Variants in RBM20 observed in about 807,000 individuals in gnomAD.
RBM20 encodes RNA binding motif protein 20, also known as RNA-binding protein 20.
Under a neutral mutation model 110.1 loss-of-function variants are expected in RBM20, and 51 were observed. The ratio of observed to expected loss-of-function variants is 0.46; its 90% CI spans 0.37 to 0.59. The LOEUF is 0.59. Among genes scored for constraint, RBM20 ranks in the 20% least tolerant of loss-of-function variants. RBM20 has a pLI of 0.00. For synonymous variants in RBM20, 589 were observed against 618.2 expected (o/e 0.95, Z 0.70); for missense variants, 1,512 against 1,574.9 (o/e 0.96, Z 0.68).
intron 7 of RBM20, among the ~76,000 whole-genome samples, chr10:110,801,366 G>T (rs1243623596): frequency 6.6e-6 from 1 of 151,770 alleles, no homozygotes; most frequent in Non-Finnish European, 1.5e-5. Context: ...GGCAGAGGTT[G>T]CAGTGAGCCA....
chr10:110,672,250 C>T (rs989514431), intron 1 of RBM20, among the ~76,000 whole-genome samples: 16 of 152,214 alleles, frequency 1.1e-4, no homozygotes, highest in Non-Finnish European at 1.9e-4. Context: ...GAGACTTCGG[C>T]CCCTGGTGGC....
At chr10:110,804,774 A>C (rs966236059) in intron 7 of RBM20, among the ~76,000 whole-genome samples, 1 of 152,248 alleles carries the variant, frequency 6.6e-6, no homozygotes, top group Non-Finnish European at 1.5e-5. Flanking sequence ...GTATGGAATC[A>C]TAATCTCTCT....
chr10:110,650,480 T>C (rs1252340472), intron 1 of RBM20, among the ~76,000 whole-genome samples: 1 of 152,190 alleles, frequency 6.6e-6, no homozygotes, highest in Non-Finnish European at 1.5e-5. Context: ...AATCTTTCCA[T>C]GTGTTCAGAA....
chr10:110,698,327 G>A (rs1260761047), intron 1 of RBM20, among the ~76,000 whole-genome samples: 1 of 152,230 alleles, frequency 6.6e-6, no homozygotes. Context: ...AGGACACACA[G>A]GAGGTGGGCT....
chr10:110,775,107 G>A (rs760172314), intron 1 of RBM20, among the ~76,000 whole-genome samples: 1 of 152,190 alleles, frequency 6.6e-6, no homozygotes, highest in Non-Finnish European at 1.5e-5. Context: ...TAAAGACATG[G>A]AAAGATCATA....
At chr10:110,715,549 A>G (rs1162956656) in intron 1 of RBM20, among the ~76,000 whole-genome samples, 1 of 152,218 alleles carries the variant, frequency 6.6e-6, no homozygotes, top group Non-Finnish European at 1.5e-5. Context: ...AAGTCCTGAT[A>G]GGTTAGGTTT....
At chr10:110,670,196 G>T (rs570634711) in intron 1 of RBM20, among the ~76,000 whole-genome samples, 2 of 152,254 alleles carry the variant, frequency 1.3e-5, no homozygotes, top group East Asian at 3.9e-4. Context: ...TTCAATGCAT[G>T]TTGTCTTGAG....
In RBM20 at chr10:110,812,686, G is replaced by T; in HGVS notation, c.2289G>T (p.Glu763Asp). The T allele has an allele frequency of 1.3e-6, 2 of 1,551,738 alleles. No individual in the cohort carries two copies. Among genetic ancestry groups the T allele is most frequent in the Non-Finnish European group, 1.7e-6 (2 of 1,147,002 alleles). Residue 763 changes from glutamate to aspartate, a missense_variant, in exon 9 of 14, where the codon GAG becomes GAT. Glu to Asp is a conservative substitution (Grantham distance 45). Around this residue, in one of 3 missense-constraint regions of RBM20, gnomAD observed 1,149 missense variants for 1,169.4 expected, o/e 0.98. Transcript: ENST00000369519. ...KSREDGYYRK[E>D]PKAKSDKYLK... ...GTGAAGACGGCTACTACCGGAAAGA[G>T]CCCAAAGCCAAGTCGGACAAGTATC...
intron 1 of RBM20, among the ~76,000 whole-genome samples, chr10:110,702,471 G>A (rs1225828191): frequency 1.3e-5 from 2 of 152,220 alleles, no homozygotes; most frequent in African/African-American, 2.4e-5. Flanking sequence ...AGGAGTTTGG[G>A]GCTGTAATGG....
intron 1 of RBM20, among the ~76,000 whole-genome samples, chr10:110,718,724 G>A (rs1480386823): frequency 6.8e-6 from 1 of 146,268 alleles, no homozygotes; most frequent in Admixed American, 7.0e-5. Context: ...CTATTCTTCT[G>A]CCTCAGCTTC....
chr10:110,787,417 C>T (rs190123521), intron 5 of RBM20, among the ~76,000 whole-genome samples: 284 of 152,302 alleles, frequency 1.9e-3, no homozygotes, highest in South Asian at 8.1e-3. Flanking sequence ...GAGTAACGAG[C>T]GCTTTTAACC....
intron 1 of RBM20, among the ~76,000 whole-genome samples, chr10:110,703,692 T>C (rs572410321): frequency 1.3e-5 from 2 of 152,362 alleles, no homozygotes; most frequent in East Asian, 3.9e-4. Flanking sequence ...TACTAAATAG[T>C]TCCATCACAA....
chr10:110,665,769 A>G (rs191645818), intron 1 of RBM20, among the ~76,000 whole-genome samples: 20 of 152,302 alleles, frequency 1.3e-4, no homozygotes, highest in African/African-American at 4.6e-4. Context: ...ATTAAAAAGA[A>G]TATTATTTAT....
At chr10:110,667,061 A>T (rs571737093) in intron 1 of RBM20, among the ~76,000 whole-genome samples, 1 of 152,168 alleles carries the variant, frequency 6.6e-6, no homozygotes, top group Admixed American at 6.5e-5. Flanking sequence ...GTTACTTAGG[A>T]TGTGTGTGGT....
intron 1 of RBM20, among the ~76,000 whole-genome samples, chr10:110,695,414 G>C (rs191670437): frequency 2.0e-5 from 3 of 152,322 alleles, no homozygotes; most frequent in Admixed American, 2.0e-4. Context: ...ATGGGAACGG[G>C]TGCTATTTCA....
At chr10:110,652,573 C>T (rs1184635691) in intron 1 of RBM20, among the ~76,000 whole-genome samples, 1 of 152,326 alleles carries the variant, frequency 6.6e-6, no homozygotes, top group South Asian at 2.1e-4. Context: ...GAAGACTGAG[C>T]TGCCCTTTAG....
At chr10:110,690,635 A>G (rs1862574454) in intron 1 of RBM20, among the ~76,000 whole-genome samples, 1 of 152,216 alleles carries the variant, frequency 6.6e-6, no homozygotes, top group African/African-American at 2.4e-5. Flanking sequence ...AAGTAAAACC[A>G]TACAATATTT....
At chr10:110,682,639 ATG>A (rs1862439318) in intron 1 of RBM20, among the ~76,000 whole-genome samples, 1 of 152,170 alleles carries the variant, frequency 6.6e-6, no homozygotes, top group South Asian at 2.1e-4. Context: ...GATTGAGGTT[ATG>A]TGTGTTGGAA....
At chr10:110,766,928 G>A (rs1317108358) in intron 1 of RBM20, among the ~76,000 whole-genome samples, 5 of 148,392 alleles carry the variant, frequency 3.4e-5, no homozygotes, top group East Asian at 2.1e-4. Context: ...CTCACCTCCC[G>A]GACGGGGCGG....
Sources: gnomAD v4.1 joint callset for allele counts (sites outside exome capture counted in the v4.1 genomes callset) on GRCh38, gnomAD v4.1.1 for gene constraint, gnomAD v4.1.1 regional missense constraint, MANE v1.5 for transcripts, NCBI Gene and HGNC (gene_info 2026-07-23, HGNC 2026-07-21) for gene names.